The following MAEL variants were observed in gnomAD, a reference collection of about 807,000 sequenced individuals.
MAEL encodes the protein protein maelstrom homolog.
A neutral mutation model predicts 62.0 loss-of-function variants in MAEL; 46 were observed. That is an observed-to-expected ratio of 0.74 (90% CI 0.59 to 0.95). MAEL has a LOEUF of 0.95. Ranked by LOEUF, MAEL falls within the 40% of genes least tolerant of loss-of-function variation. The pLI is 0.00. For missense variants in MAEL, 497 were observed against 526.8 expected, an observed-to-expected ratio of 0.94 and a Z score of 0.55; for synonymous variants, 172 against 175.5, an observed-to-expected ratio of 0.98 and a Z score of 0.16.
intron 2 of MAEL, 109 bp downstream of exon 2, chr1:166,989,938 G>A (rs550879943): frequency 4.7e-6 from 4 of 858,812 alleles, no homozygotes; most frequent in South Asian, 3.6e-5. Context: ...TTGGGGGTTC[G>A]GTTAGTGCGA....
chr1:167,020,653 C>T (rs1665585947), intron 10 of MAEL, among the ~76,000 whole-genome samples: 1 of 152,104 alleles, frequency 6.6e-6, no homozygotes, highest in South Asian at 2.1e-4. Flanking sequence ...TCCTACCACT[C>T]ATCTACGTGC....
chr1:167,007,507 G>C (rs192022405), intron 8 of MAEL, among the ~76,000 whole-genome samples: 4 of 151,766 alleles, frequency 2.6e-5, no homozygotes, highest in Admixed American at 2.0e-4. Context: ...TTTCTTACTA[G>C]AGTATCATTG....
At chr1:167,006,250 C>G (rs905827549) in intron 8 of MAEL, among the ~76,000 whole-genome samples, 11 of 152,052 alleles carry the variant, frequency 7.2e-5, no homozygotes, top group Non-Finnish European at 1.2e-4. Flanking sequence ...CAAAAAAATT[C>G]TAGAGTCCAG....
intron 5 of MAEL, among the ~76,000 whole-genome samples, chr1:166,995,320 A>T (rs1184884829): frequency 6.6e-6 from 1 of 151,836 alleles, no homozygotes. Flanking sequence ...GGCTCACTGC[A>T]ACCTCCGCCT....
chr1:166,996,274 A>G (rs1664421263), intron 5 of MAEL, among the ~76,000 whole-genome samples: 1 of 152,232 alleles, frequency 6.6e-6, no homozygotes. Flanking sequence ...AGGAACATGC[A>G]TATGGATCTC....
At chr1:167,021,203 A>G (rs1445383172) in intron 11 of MAEL, 43 bp downstream of exon 11, 3 of 1,334,776 alleles carry the variant, frequency 2.2e-6, no homozygotes, top group South Asian at 1.2e-5. Flanking sequence ...AAAGGATGTT[A>G]GAGCCTATTA....
At chr1:166,978,881 A>G (rs1663676078) in intron 1 of MAEL, among the ~76,000 whole-genome samples, 3 of 152,350 alleles carry the variant, frequency 2.0e-5, no homozygotes, top group East Asian at 1.9e-4. Context: ...ACATGTCACA[A>G]CAATGACCTG....
At chr1:166,978,098 G>A (rs1663648696) in intron 1 of MAEL, among the ~76,000 whole-genome samples, 1 of 152,250 alleles carries the variant, frequency 6.6e-6, no homozygotes, top group Non-Finnish European at 1.5e-5. Context: ...TCTGCTCAGA[G>A]GAGGTGTCTG....
Position 166,989,480 on chromosome 1 carries a change from G to C in MAEL, c.128G>C (p.Trp43Ser). The stretch of plus-strand genomic sequence containing the variant: ...GCCATCCCTTACTGCTCCTCAGACT[G>C]GGCGGTAAGGCTGGAGCGGAGTGAG... ...ADAIPYCSSD[W>S]ALLREEEKEK... Residue 43 changes from tryptophan to serine, a missense_variant, in exon 1 of 12, where the codon TGG (tryptophan) becomes TCG (serine). Transcript: ENST00000367872. The C allele has an allele frequency of 6.3e-7, 1 of 1,584,100 alleles. No individual in the cohort carries two copies. The highest frequency in any genetic ancestry group is 8.6e-7 in the Non-Finnish European group (1 of 1,165,046).
In MAEL at chr1:167,021,679, T is replaced by C; in HGVS notation, c.1129T>C (p.Ser377Pro). The change falls in exon 12 of 12, where the codon TCT (serine) becomes CCT (proline). Residue 377 changes from serine to proline, a missense_variant. Transcript: ENST00000367872. The part of the protein sequence containing the change: ...RSNTPIGDYP[S>P]RAKISGQNSS... ...TTTCAATATCCTAGGTGACTACCCA[T>C]CTAGGGCAAAAATTTCTGGCCAAAA... 1 of 1,605,284 alleles carries C rather than the reference T, an allele frequency of 6.2e-7. No individual in the cohort carries two copies.
At chr1:166,993,040 C>T (rs1318085273) in intron 4 of MAEL, among the ~76,000 whole-genome samples, 199 bp downstream of exon 4, 3 of 152,036 alleles carry the variant, frequency 2.0e-5, no homozygotes, top group East Asian at 1.9e-4. Flanking sequence ...GGCTTTTAAC[C>T]TCAAGTTACC....
chr1:166,982,618 T>G (rs1427972443), intron 1 of MAEL, among the ~76,000 whole-genome samples: 1 of 152,154 alleles, frequency 6.6e-6, no homozygotes, highest in Non-Finnish European at 1.5e-5. Context: ...TTCAGTGGTT[T>G]GCATAACACG....
rs1664308248 is a variant in MAEL at position 166,994,186 on chromosome 1, A to G, written c.523+117A>G. ...AGGAAAATAACTTTAGGTTATTGTT[A>G]GAGAATCTGCATAGATGTGATAGAT... On this transcript the variant is annotated intron_variant, in intron 5 of 11. Coordinates refer to ENST00000367872, the MANE Select transcript of MAEL (RefSeq NM_032858.3). The G allele has an allele frequency of 5.4e-6, 5 of 919,794 alleles. No homozygotes were observed. In the East Asian group the frequency reaches 1.3e-4, roughly 25 times the overall value. 57.0% of individuals were successfully genotyped at this position (919,794 alleles called of 1,614,324 possible).
chr1:167,006,843 C>G (rs1175351934), intron 8 of MAEL, among the ~76,000 whole-genome samples: 2 of 151,586 alleles, frequency 1.3e-5, no homozygotes, highest in South Asian at 2.1e-4. Context: ...ACCATGTTGG[C>G]CAGGCTGATC....
At chr1:166,985,636 AAG>A (rs1401738105), upstream of MAEL, among the ~76,000 whole-genome samples, 1 of 152,234 alleles carries the variant, frequency 6.6e-6, no homozygotes, top group Non-Finnish European at 1.5e-5. Flanking sequence ...TAAGCCTAAA[AAG>A]AGTGAAAACC....
upstream of MAEL, among the ~76,000 whole-genome samples, chr1:166,986,945 C>T (rs1195066427): frequency 6.1e-5 from 9 of 147,030 alleles, no homozygotes; most frequent in South Asian, 4.5e-4. Flanking sequence ...AGGAAGGGGA[C>T]GTGTGTGTGT....
chr1:167,017,306 C>T (rs1257319545), intron 9 of MAEL, among the ~76,000 whole-genome samples: 2 of 152,056 alleles, frequency 1.3e-5, no homozygotes, highest in Non-Finnish European at 2.9e-5. Context: ...TGGTTTTGTA[C>T]ATCATATTAC....
chr1:166,988,888 A>G (rs1200830081), upstream of MAEL, among the ~76,000 whole-genome samples: 2 of 152,112 alleles, frequency 1.3e-5, no homozygotes, highest in Non-Finnish European at 2.9e-5. Flanking sequence ...TGTAAACTTG[A>G]GGGCAAGGAA....
chr1:166,987,546 A>C (rs1292510585), upstream of MAEL, among the ~76,000 whole-genome samples: 2 of 152,162 alleles, frequency 1.3e-5, no homozygotes, highest in African/African-American at 4.8e-5. Context: ...GCTGGGTCCT[A>C]TGATAAGTAT....
Sources: allele counts gnomAD v4.1 joint callset (sites outside exome capture counted in the v4.1 genomes callset), GRCh38; gene constraint gnomAD v4.1.1; transcripts MANE v1.5; gene names NCBI Gene and HGNC (gene_info 2026-07-23, HGNC 2026-07-21).